The following SNTB1 variants were observed in gnomAD, a reference collection of about 807,000 sequenced individuals.
The protein encoded by SNTB1 is syntrophin beta 1.
A neutral mutation model predicts 48.9 loss-of-function variants in SNTB1; 36 were observed. That is an observed-to-expected ratio of 0.74 (90% CI 0.56 to 0.97). SNTB1 has a LOEUF of 0.97. SNTB1 is among the 50% of genes least tolerant of loss of function. The probability of loss-of-function intolerance (pLI) is 0.00; values close to 1 mark genes in which losing one functional copy is unlikely to be tolerated. For missense variants in SNTB1, 786 were observed against 703.4 expected (o/e 1.12, Z -1.33); for synonymous variants, 299 against 294.6 (o/e 1.01, Z -0.15).
At chr8:120,554,226 C>T (rs1057063554) in intron 4 of SNTB1, among the ~76,000 whole-genome samples, 1 of 152,096 alleles carries the variant, frequency 6.6e-6, no homozygotes, top group Admixed American at 6.5e-5. Flanking sequence ...CAAGGCGTTT[C>T]TACATGGTCC....
At chr8:120,610,786 C>T (rs1816609315) in intron 3 of SNTB1, among the ~76,000 whole-genome samples, 1 of 152,116 alleles carries the variant, frequency 6.6e-6, no homozygotes, top group Non-Finnish European at 1.5e-5. Flanking sequence ...TGTTTTCTCT[C>T]TGTTAAGAGA....
intron 2 of SNTB1, among the ~76,000 whole-genome samples, chr8:120,692,081 C>A (rs575660500): frequency 2.0e-5 from 3 of 152,274 alleles, no homozygotes; most frequent in African/African-American, 7.2e-5. Flanking sequence ...ACCCCTCTTG[C>A]CGATACTTGC....
chr8:120,571,808 G>A (rs1815859409), intron 4 of SNTB1, among the ~76,000 whole-genome samples: 1 of 152,034 alleles, frequency 6.6e-6, no homozygotes, highest in Non-Finnish European at 1.5e-5. Context: ...CATGATTACT[G>A]CAGTTTTATT....
chr8:120,599,086 G>A (rs1406698743), intron 3 of SNTB1, among the ~76,000 whole-genome samples: 1 of 152,036 alleles, frequency 6.6e-6, no homozygotes, highest in Admixed American at 6.6e-5. Flanking sequence ...GCCATTATTC[G>A]GGCTACCACA....
At chr8:120,700,192 C>A (rs1414662088) in intron 1 of SNTB1, among the ~76,000 whole-genome samples, 3 of 145,106 alleles carry the variant, frequency 2.1e-5, no homozygotes, top group Non-Finnish European at 4.6e-5. Flanking sequence ...TGTGTGTGTG[C>A]GTGTATTTAA....
At chr8:120,784,570 G>A (rs911089411) in intron 1 of SNTB1, among the ~76,000 whole-genome samples, 2 of 152,086 alleles carry the variant, frequency 1.3e-5, no homozygotes, top group South Asian at 2.1e-4. Context: ...CACCTGACCC[G>A]AGCCACACTA....
intron 4 of SNTB1, chr8:120,571,298 C>T: frequency 7.8e-7 from 1 of 1,288,096 alleles, no homozygotes; most frequent in South Asian, 1.2e-5. Flanking sequence ...TGACTGTGGT[C>T]TAATCTTTCT....
At chr8:120,784,847 C>T (rs890898025) in intron 1 of SNTB1, among the ~76,000 whole-genome samples, 1 of 152,176 alleles carries the variant, frequency 6.6e-6, no homozygotes, top group African/African-American at 2.4e-5. Context: ...TGGGCAGCAG[C>T]CTACACTGTG....
chr8:120,776,732 A>AC (rs1189973648), intron 1 of SNTB1: 1 of 152,120 alleles, frequency 6.6e-6, no homozygotes, highest in Non-Finnish European at 1.5e-5. Context: ...TCATATCAGT[A>AC]CCCCCAGGAG....
At position 120,718,230 on chromosome 8, in the gene SNTB1, T is replaced by C. The variant is rs181664557; in HGVS notation, c.572-24322A>G. ...AGGGCCTGTGAGCATCTGTCCTCCC[T>C]GTCTGTCCTCCTGAGGGTCACTGTG... On this transcript the variant is annotated intron_variant, in intron 1 of 6. Transcript: ENST00000517992. 2.6e-3 allele frequency among the ~76,000 whole-genome samples: 401 copies of C among 152,314 alleles called. 3 individuals carry two copies. Among genetic ancestry groups the C allele is most frequent in the Non-Finnish European group, 4.1e-3 (277 of 68,034 alleles).
chr8:120,683,537 G>T (rs1165827121), intron 2 of SNTB1, among the ~76,000 whole-genome samples: 2 of 152,168 alleles, frequency 1.3e-5, no homozygotes, highest in Non-Finnish European at 2.9e-5. Context: ...GCATCCCTGG[G>T]AAAGTGGGTA....
chr8:120,680,710 C>A (rs960401583), intron 2 of SNTB1, among the ~76,000 whole-genome samples: 1 of 152,164 alleles, frequency 6.6e-6, no homozygotes, highest in Non-Finnish European at 1.5e-5. Flanking sequence ...ATCATTATCT[C>A]TGCTTGAAAA....
intron 1 of SNTB1, chr8:120,776,655 G>A (rs1563598718): frequency 6.6e-6 from 1 of 152,184 alleles, no homozygotes; most frequent in Non-Finnish European, 1.5e-5. Context: ...GAGTCTTAAT[G>A]TGAGGCCTTT....
chr8:120,693,948 G>A (rs767752726), intron 1 of SNTB1, 40 bp from the exon 2 acceptor site: 11 of 1,490,334 alleles, frequency 7.4e-6, no homozygotes, highest in East Asian at 6.8e-5. Context: ...AATACATCAC[G>A]GCTGAATTTC....
rs964939865 is a variant in SNTB1 at position 120,579,406 on chromosome 8, G to A, written c.997-4181C>T. On this transcript the variant is annotated intron_variant, in intron 3 of 6. Transcript: ENST00000517992. The stretch of plus-strand genomic sequence containing the variant: ...AATATCTAGAATCTGGCAGGGCACA[G>A]TGGCTCATGCCTATACTCCCAGTGC... 3.2e-4 allele frequency among the ~76,000 whole-genome samples: 49 copies of A among 152,180 alleles called. 1 individual carries two copies. Among genetic ancestry groups the A allele is most frequent in the Non-Finnish European group, 8.8e-5 (6 of 68,024 alleles).
intron 1 of SNTB1, among the ~76,000 whole-genome samples, chr8:120,778,739 C>T (rs753807048): frequency 6.6e-6 from 1 of 152,094 alleles, no homozygotes; most frequent in Non-Finnish European, 1.5e-5. Context: ...ATATAAATAA[C>T]CTTGACATAT....
intron 1 of SNTB1, among the ~76,000 whole-genome samples, chr8:120,748,633 T>C (rs4389986): frequency 0.13 from 19,769 of 152,188 alleles, 1,662 homozygotes; most frequent in African/African-American, 0.23. Context: ...ACTATGAACC[T>C]TCAAGGCAGA....
At chr8:120,657,711 C>T (rs1817524920) in intron 2 of SNTB1, among the ~76,000 whole-genome samples, 1 of 152,176 alleles carries the variant, frequency 6.6e-6, no homozygotes, top group African/African-American at 2.4e-5. Flanking sequence ...ATTTATCTGT[C>T]TGACCCATTT....
At chr8:120,681,304 A>G (rs966136514) in intron 2 of SNTB1, among the ~76,000 whole-genome samples, 2 of 152,226 alleles carry the variant, frequency 1.3e-5, no homozygotes, top group Non-Finnish European at 2.9e-5. Flanking sequence ...AAGACAGTAA[A>G]GGAGGTCTAA....
Sources: allele counts gnomAD v4.1 joint callset (sites outside exome capture counted in the v4.1 genomes callset), GRCh38; gene constraint gnomAD v4.1.1; transcripts MANE v1.5; gene names NCBI Gene and HGNC (gene_info 2026-07-23, HGNC 2026-07-21).